The following MYO9A variants were observed in gnomAD, a reference collection of about 807,000 sequenced individuals.
MYO9A encodes the protein unconventional myosin-IXa.
MYO9A carries 103 observed loss-of-function variants against 293.3 expected under a neutral mutation model. The ratio of observed to expected loss-of-function variants is 0.35; its 90% CI spans 0.30 to 0.41. The LOEUF is 0.41. MYO9A is among the 10% of genes least tolerant of loss of function. The pLI is 1.00. For missense variants in MYO9A, 2,685 were observed against 3,033.0 expected, an observed-to-expected ratio of 0.89 and a Z score of 2.69; for synonymous variants, 1,001 against 1,035.7, an observed-to-expected ratio of 0.97 and a Z score of 0.64.
chr15:71,983,457 A>AT (rs1186666843), intron 11 of MYO9A, among the ~76,000 whole-genome samples: 1 of 80,562 alleles, frequency 1.2e-5, no homozygotes, highest in African/African-American at 4.7e-5. Flanking sequence ...ATAGTTTTTT[A>AT]TTTTTTTTAT....
At chr15:72,071,977 G>C (rs987744795) in intron 1 of MYO9A, among the ~76,000 whole-genome samples, 1 of 148,782 alleles carries the variant, frequency 6.7e-6, no homozygotes, top group Admixed American at 6.7e-5. Context: ...GGCTGGGGTG[G>C]GAGGATCACT....
chr15:71,990,534 T>C (rs538459508), intron 11 of MYO9A, among the ~76,000 whole-genome samples: 37 of 152,096 alleles, frequency 2.4e-4, no homozygotes, highest in African/African-American at 8.7e-4. Flanking sequence ...GGCGGGTGGA[T>C]CACGAGGTCA....
At chr15:71,881,306 C>T (rs1269076726) in intron 28 of MYO9A, among the ~76,000 whole-genome samples, 1 of 151,988 alleles carries the variant, frequency 6.6e-6, no homozygotes, top group Non-Finnish European at 1.5e-5. Context: ...AAATGTTTAC[C>T]TCCTCTCATT....
At chr15:71,844,189 C>T (rs1478254983) in intron 39 of MYO9A, among the ~76,000 whole-genome samples, 1 of 152,182 alleles carries the variant, frequency 6.6e-6, no homozygotes. Flanking sequence ...CCCTGTGCCA[C>T]CAGGCAGAAT....
chr15:71,937,396 C>T (rs1242723169), intron 16 of MYO9A, among the ~76,000 whole-genome samples: 4 of 152,138 alleles, frequency 2.6e-5, no homozygotes. Flanking sequence ...GCATCCACCA[C>T]CTTAAACAGT....
At chr15:72,067,659 C>T (rs2079061842) in intron 1 of MYO9A, among the ~76,000 whole-genome samples, 1 of 152,142 alleles carries the variant, frequency 6.6e-6, no homozygotes, top group Non-Finnish European at 1.5e-5. Flanking sequence ...TACTGGGACG[C>T]CACATGGAGA....
intron 2 of MYO9A, among the ~76,000 whole-genome samples, chr15:72,040,793 CAAAA>C (rs1566974593): frequency 1.3e-5 from 2 of 151,460 alleles, no homozygotes; most frequent in Non-Finnish European, 1.5e-5. Flanking sequence ...GAATAAGTCA[CAAAA>C]AAAGAAATCA....
chr15:72,066,593 A>G (rs1193820548), intron 1 of MYO9A, among the ~76,000 whole-genome samples: 1 of 152,226 alleles, frequency 6.6e-6, no homozygotes, highest in Non-Finnish European at 1.5e-5. Flanking sequence ...ATCTATGGAT[A>G]CAGACACCAG....
chr15:72,058,556 A>G (rs2078787503), intron 1 of MYO9A, among the ~76,000 whole-genome samples: 1 of 152,244 alleles, frequency 6.6e-6, no homozygotes, highest in Non-Finnish European at 1.5e-5. Context: ...CATAAGAATA[A>G]AACAATACAC....
At chr15:71,842,792 G>A (rs751112063) in intron 39 of MYO9A, among the ~76,000 whole-genome samples, 26 of 150,932 alleles carry the variant, frequency 1.7e-4, no homozygotes, top group Non-Finnish European at 3.3e-4. Context: ...CCCAGGAGGC[G>A]GAGCTTGCAG....
intron 18 of MYO9A, among the ~76,000 whole-genome samples, chr15:71,925,174 CACATATATACAT>C (rs2058260676): frequency 7.7e-4 from 1 of 1,302 alleles, no homozygotes; most frequent in African/African-American, 1.2e-3. Context: ...TGTATATATA[CACATATATACAT>C]GTGTATATAT....
At chr15:71,857,309 GT>G in intron 34 of MYO9A, among the ~76,000 whole-genome samples, 1 of 152,108 alleles carries the variant, frequency 6.6e-6, no homozygotes, top group Non-Finnish European at 1.5e-5. Flanking sequence ...TATTTTTATA[GT>G]TTTTGTTTCA....
chr15:71,837,984 T>C (rs564639333), intron 39 of MYO9A, among the ~76,000 whole-genome samples: 1 of 152,236 alleles, frequency 6.6e-6, no homozygotes, highest in South Asian at 2.1e-4. Flanking sequence ...TTTGGATCCA[T>C]GTTCACTGTA....
chr15:71,929,867 C>T lies in MYO9A; in HGVS notation c.2562+3803G>A, dbSNP rs1294036209. On this transcript the variant is annotated intron_variant, in intron 18 of 41. Transcript: ENST00000356056. Reference sequence around the variant, plus strand: ...TTCAACTCTTAGTTCTTTGTGAAATCTCCAAACTTCTCCGTAGTAGCTGAA... The same window carrying T: ...TTCAACTCTTAGTTCTTTGTGAAATTTCCAAACTTCTCCGTAGTAGCTGAA... 2.0e-5 allele frequency among the ~76,000 whole-genome samples: 3 copies of T among 152,222 alleles called. No individual in the cohort carries two copies. The East Asian group carries it at 5.8e-4, about 29-fold the overall frequency.
intron 18 of MYO9A, among the ~76,000 whole-genome samples, chr15:71,918,477 T>C (rs896244206): frequency 9.2e-5 from 14 of 152,092 alleles, no homozygotes; most frequent in Non-Finnish European, 1.6e-4. Context: ...TGGGAAAATA[T>C]TTGTAAGCAC....
rs1471686091 is a variant in MYO9A at position 71,978,273 on chromosome 15, C to A, written c.1742G>T (p.Gly581Val). ...KLEQEEYRTE[G>V]ISWHNIDYID... is the part of the protein sequence containing the mutation. ...GTAATCTATGTTGTGCCAGCTGATA[C>A]CTTCAGTTCTATATTCCTCCTAGAA... Residue 581 changes from glycine (G) to valine (V), a missense_variant, in exon 12 of 42, where the codon GGT (glycine) becomes GTT (valine). Physicochemically the swap from Gly to Val is moderately radical, Grantham distance 109. This residue lies in a region of MYO9A where 201 missense variants were observed against 245.2 expected (regional missense o/e 0.82). Transcript: ENST00000356056. 2 of 1,605,152 alleles carry A rather than the reference C, an allele frequency of 1.2e-6. No homozygotes were observed. The highest frequency in any genetic ancestry group is 2.3e-5 in the South Asian group (2 of 88,268).
At position 71,938,862 on chromosome 15, in the gene MYO9A, T is replaced by G. The variant is rs764452732; in HGVS notation, c.2368A>C (p.Lys790Gln). ...ACCAAACACACTTACTGTTGGTTTTTTTCATTTAGAGCATTCATGCCCTGG... is the reference window on the plus strand; with the variant it reads ...ACCAAACACACTTACTGTTGGTTTTGTTCATTTAGAGCATTCATGCCCTGG... Reference protein sequence around the residue: ...DLQGMNALNEKNQHDTFDIAW... With the variant: ...DLQGMNALNEQNQHDTFDIAW... Residue 790 changes from lysine (K) to glutamine (Q), a missense_variant, in exon 16 of 42, where the codon AAA becomes CAA. Physicochemically the swap from Lys to Gln is moderately conservative, Grantham distance 53. Coordinates refer to ENST00000356056, the MANE Select transcript of MYO9A (RefSeq NM_006901.4). 6.2e-7 allele frequency: 1 copy of G among 1,609,478 alleles called. No homozygotes were observed. The highest frequency in any genetic ancestry group is 8.5e-7 in the Non-Finnish European group (1 of 1,177,972).
intron 39 of MYO9A, among the ~76,000 whole-genome samples, chr15:71,839,619 C>T (rs549280057): frequency 5.9e-5 from 9 of 152,100 alleles, no homozygotes; most frequent in Middle Eastern, 3.4e-3. Flanking sequence ...ATTGTTGCCA[C>T]GGCTGGTCTG....
intron 1 of MYO9A, among the ~76,000 whole-genome samples, chr15:72,100,422 T>C (rs2080236276): frequency 6.6e-6 from 1 of 150,646 alleles, no homozygotes; most frequent in Non-Finnish European, 1.5e-5. Flanking sequence ...TGGCCACCCA[T>C]CGTCTGGGAT....
Sources: gnomAD v4.1 joint callset for allele counts (sites outside exome capture counted in the v4.1 genomes callset) on GRCh38, gnomAD v4.1.1 for gene constraint, gnomAD v4.1.1 regional missense constraint, MANE v1.5 for transcripts, NCBI Gene and HGNC (gene_info 2026-07-23, HGNC 2026-07-21) for gene names.